The following MTRR variants were observed in gnomAD, a reference collection of about 807,000 sequenced individuals.
The protein encoded by MTRR is methionine synthase reductase.
MTRR carries 63 observed loss-of-function variants against 79.2 expected under a neutral mutation model. The observed-to-expected ratio is 0.80, with a 90% CI of 0.65 to 0.98. The LOEUF is 0.98. MTRR is among the 50% of genes least tolerant of loss of function. The pLI is 0.00. For synonymous variants in MTRR, 355 were observed against 313.3 expected, an observed-to-expected ratio of 1.13 and a Z score of -1.41; for missense variants, 895 against 839.6, an observed-to-expected ratio of 1.07 and a Z score of -0.82.
At chr5:7,861,854 T>G in intron 1 of MTRR, 1 of 1,163,938 alleles carries the variant, frequency 8.6e-7, no homozygotes, top group Non-Finnish European at 1.1e-6. Flanking sequence ...CAGCCTTAAA[T>G]TAAGAAAGCT....
intron 1 of MTRR, among the ~76,000 whole-genome samples, chr5:7,856,040 G>A (rs1159312212): frequency 6.6e-6 from 1 of 152,134 alleles, no homozygotes; most frequent in East Asian, 1.9e-4. Flanking sequence ...GGTGAATTTA[G>A]GTAAAATTTA....
chr5:7,855,868 GATGA>G (rs1325824140), intron 1 of MTRR, among the ~76,000 whole-genome samples: 1 of 152,142 alleles, frequency 6.6e-6, no homozygotes, highest in Non-Finnish European at 1.5e-5. Flanking sequence ...ACAAGTACTG[GATGA>G]AGGCAAAATT....
chr5:7,865,816 T>C (rs1746903994), upstream of MTRR: 7 of 1,053,572 alleles, frequency 6.6e-6, no homozygotes, highest in African/African-American at 3.1e-5. Context: ...TTTCAGGTTA[T>C]TGAGACAGAT....
At chr5:7,879,783 T>C (rs1251459748) in intron 5 of MTRR, among the ~76,000 whole-genome samples, 1 of 152,136 alleles carries the variant, frequency 6.6e-6, no homozygotes, top group Non-Finnish European at 1.5e-5. Flanking sequence ...CTTTCTGCCA[T>C]GTGGAAGTAT....
intron 1 of MTRR, among the ~76,000 whole-genome samples, chr5:7,855,016 A>G (rs1746198047): frequency 6.6e-6 from 1 of 152,236 alleles, no homozygotes; most frequent in Admixed American, 6.5e-5. Flanking sequence ...GCAGATAGAT[A>G]TAGAAACAAG....
chr5:7,867,784 C>G (rs967028899), upstream of MTRR: 1 of 1,614,212 alleles, frequency 6.2e-7, no homozygotes. Context: ...TGTAAAACAT[C>G]TGACTCTCCT....
At chr5:7,861,794 C>G in intron 1 of MTRR, 1 of 1,392,914 alleles carries the variant, frequency 7.2e-7, no homozygotes, top group Non-Finnish European at 9.3e-7. Context: ...ATGACCACAA[C>G]CAAACAATGG....
Position 7,869,939 on chromosome 5 carries a change from G to A in MTRR, c.-26+724G>A, listed in dbSNP as rs913194627. 9.1e-6 allele frequency: 6 copies of A among 658,754 alleles called. 1 individual carries two copies. Among genetic ancestry groups the A allele is most frequent in the Middle Eastern group, 1.5e-3 (2 of 1,326 alleles). 40.8% of individuals were successfully genotyped at this position (658,754 alleles called of 1,614,324 possible). A position where few individuals can be genotyped will look rare whatever the true frequency, so the allele number is the denominator to read the frequency against. On this transcript the variant is annotated intron_variant, in intron 1 of 14. Coordinates refer to ENST00000440940, the MANE Select transcript of MTRR (RefSeq NM_002454.3). ...GAGTACCAGTTTCATGCCAGGTGCC[G>A]TTCTGGGCGGTTCATTCACCGAAAG...
chr5:7,860,417 T>C (rs1746454301), intron 1 of MTRR, among the ~76,000 whole-genome samples: 1 of 152,236 alleles, frequency 6.6e-6, no homozygotes, highest in Admixed American at 6.5e-5. Context: ...ATCTTGTTCA[T>C]TTTTATTTAT....
At chr5:7,890,497 T>A (rs1443970242) in intron 9 of MTRR, 1 of 774,108 alleles carries the variant, frequency 1.3e-6, no homozygotes, top group Non-Finnish European at 1.6e-6. Context: ...TTGTTACCTT[T>A]TAGAATGTTA....
chr5:7,855,458 A>C (rs950022244), intron 1 of MTRR, among the ~76,000 whole-genome samples: 1 of 151,754 alleles, frequency 6.6e-6, no homozygotes, highest in African/African-American at 2.4e-5. Flanking sequence ...TAGATGAAAC[A>C]TGATTGGAAA....
At chr5:7,897,820 A>G (rs776527357) in intron 14 of MTRR, among the ~76,000 whole-genome samples, 4 of 152,334 alleles carry the variant, frequency 2.6e-5, no homozygotes, top group African/African-American at 7.2e-5. Context: ...ATAAGACTCA[A>G]AAAATTTCTG....
upstream of MTRR, chr5:7,851,127 C>G (rs1182257730): frequency 8.3e-7 from 1 of 1,205,118 alleles, no homozygotes; most frequent in Non-Finnish European, 1.0e-6. Context: ...GCGTCTAGCC[C>G]GCGTCTGTGT....
intron 4 of MTRR, 40 bp downstream of exon 4, chr5:7,875,415 A>G (rs374413318): frequency 1.9e-5 from 27 of 1,435,200 alleles, no homozygotes; most frequent in East Asian, 4.5e-5. Flanking sequence ...TAAGCCCTCT[A>G]TACATGATGG....
chr5:7,876,306 T>C (rs1734551759), intron 4 of MTRR, among the ~76,000 whole-genome samples: 2 of 152,224 alleles, frequency 1.3e-5, no homozygotes, highest in South Asian at 4.1e-4. Flanking sequence ...GGAATTCACT[T>C]TAGCTCTGTA....
At chr5:7,856,872 CAT>C (rs1216280869) in intron 1 of MTRR, 1 of 115,422 alleles carries the variant, frequency 8.7e-6, no homozygotes, top group Non-Finnish European at 2.0e-5. Context: ...ACATTCCTCA[CAT>C]AGAGGAAGGC....
intron 2 of MTRR, among the ~76,000 whole-genome samples, chr5:7,862,384 T>C (rs1302984973): frequency 2.6e-5 from 4 of 152,086 alleles, no homozygotes; most frequent in African/African-American, 7.2e-5. Context: ...GACTGAGGAA[T>C]TGAATTTTCT....
At chr5:7,879,160 C>T (rs902620806) in intron 5 of MTRR, among the ~76,000 whole-genome samples, 2 of 152,154 alleles carry the variant, frequency 1.3e-5, no homozygotes, top group Non-Finnish European at 1.5e-5. Flanking sequence ...TGTTTTTGCA[C>T]TTGTACTTCA....
In MTRR at chr5:7,892,852, C is replaced by T; in HGVS notation, c.1496C>T (p.Ser499Leu). ...CTGWLALLVA[S>L]VLQPNIHASH... ...GGCTGGCTGGCCTTGTTGGTTGCTT[C>T]AGTTCTTCAGCCAAACATACATGCA... The change falls in exon 11 of 15, where the codon TCA (serine) becomes TTA (leucine). Residue 499 changes from serine (S) to leucine (L), a missense_variant. Transcript: ENST00000440940. 3.7e-6 allele frequency: 6 copies of T among 1,614,180 alleles called. No homozygotes were observed. The highest frequency in any genetic ancestry group is 2.2e-5 in the East Asian group (1 of 44,886).
Sources: gnomAD v4.1 joint callset for allele counts (sites outside exome capture counted in the v4.1 genomes callset) on GRCh38, gnomAD v4.1.1 for gene constraint, MANE v1.5 for transcripts, NCBI Gene and HGNC (gene_info 2026-07-23, HGNC 2026-07-21) for gene names.